The following SKI variants were observed in gnomAD, a reference collection of about 807,000 sequenced individuals.
SKI encodes the protein ski oncogene.
SKI carries 23 observed loss-of-function variants against 59.3 expected under a neutral mutation model. The observed-to-expected ratio is 0.39, with a 90% CI of 0.28 to 0.55. SKI has a LOEUF of 0.55. SKI is among the 20% of genes least tolerant of loss of function. The pLI, the probability that SKI is intolerant of heterozygous loss-of-function variation, is 0.67. For missense variants in SKI, 1,017 were observed against 1,038.9 expected (o/e 0.98, Z 0.29); for synonymous variants, 673 against 488.6 (o/e 1.38, Z -4.98).
At chr1:2,280,651 ACACCCGAGAAGACAGGCGGCGGCGGC>A (rs1366844251) in intron 1 of SKI, among the ~76,000 whole-genome samples, 19 of 127,558 alleles carry the variant, frequency 1.5e-4, no homozygotes, top group East Asian at 2.4e-4. Context: ...CAGAGAGAGG[ACACCCGAGAAGACAGGCGGCGGCGGC>A]GATCTTCAGA....
At chr1:2,240,438 G>A in intron 1 of SKI, 5 of 970,402 alleles carry the variant, frequency 5.2e-6, no homozygotes, top group Non-Finnish European at 6.1e-6. Flanking sequence ...AGAAGCACTT[G>A]GCGGCAAGCC....
chr1:2,240,664 G>T, intron 1 of SKI: 4 of 985,398 alleles, frequency 4.1e-6, no homozygotes, highest in Non-Finnish European at 3.6e-6. Flanking sequence ...GGAATTCTTC[G>T]AAGTGAAGCT....
At chr1:2,264,146 C>A (rs543657101) in intron 1 of SKI, among the ~76,000 whole-genome samples, 1 of 152,286 alleles carries the variant, frequency 6.6e-6, no homozygotes, top group East Asian at 1.9e-4. Context: ...GTTTGTGTTA[C>A]ACAAGTAATT....
At chr1:2,259,562 C>T (rs1639340050) in intron 1 of SKI, among the ~76,000 whole-genome samples, 1 of 152,148 alleles carries the variant, frequency 6.6e-6, no homozygotes, top group South Asian at 2.1e-4. Flanking sequence ...CTTTTTGAGG[C>T]ATAATTAACA....
chr1:2,234,755 C>T (rs934567603), intron 1 of SKI, among the ~76,000 whole-genome samples: 6 of 152,250 alleles, frequency 3.9e-5, no homozygotes, highest in African/African-American at 1.4e-4. Flanking sequence ...AAGAATTATG[C>T]AAGCTTCAAC....
chr1:2,262,614 C>G (rs149167386), intron 1 of SKI, among the ~76,000 whole-genome samples: 1 of 152,180 alleles, frequency 6.6e-6, no homozygotes, highest in Non-Finnish European at 1.5e-5. Context: ...TTGGCACCGT[C>G]GAGTGTGATG....
chr1:2,283,443 A>G (rs1639959890), intron 1 of SKI, among the ~76,000 whole-genome samples: 1 of 152,126 alleles, frequency 6.6e-6, no homozygotes, highest in African/African-American at 2.4e-5. Context: ...AGAGTCTTGG[A>G]GAGGTGTTGG....
intron 5 of SKI, among the ~76,000 whole-genome samples, chr1:2,305,562 G>A (rs1442928941): frequency 1.3e-5 from 2 of 152,206 alleles, no homozygotes; most frequent in East Asian, 3.8e-4. Flanking sequence ...GAGTCACACG[G>A]ATATTTTAAT....
At chr1:2,299,633 A>C (rs1002602743) in intron 1 of SKI, among the ~76,000 whole-genome samples, 7 of 152,116 alleles carry the variant, frequency 4.6e-5, no homozygotes, top group African/African-American at 1.7e-4. Flanking sequence ...GGGATCTGGC[A>C]GGAGAAGCAG....
intron 1 of SKI, among the ~76,000 whole-genome samples, chr1:2,254,095 C>A (rs1156587527): frequency 6.6e-6 from 1 of 152,208 alleles, no homozygotes; most frequent in African/African-American, 2.4e-5. Context: ...TCTAGACATT[C>A]CAGGTGGGCT....
Position 2,284,860 on chromosome 1 carries a change from A to G in SKI, c.970-18118A>G, listed in dbSNP as rs972206387. On this transcript the variant is annotated intron_variant, in intron 1 of 6. Transcript: ENST00000378536. ...AGAGTGAGAGTGGGTGCTCTCACTGAGGGTCTGACCCTGCTCCGCAGTGCA... is the reference window on the plus strand; with the variant it reads ...AGAGTGAGAGTGGGTGCTCTCACTGGGGGTCTGACCCTGCTCCGCAGTGCA... Among the ~76,000 whole-genome samples, 4 of 152,314 alleles carry G rather than the reference A, an allele frequency of 2.6e-5. No individual in the cohort carries two copies. In the South Asian group the frequency reaches 8.3e-4, roughly 32 times the overall value.
chr1:2,280,477 A>G (rs1014443203), intron 1 of SKI, among the ~76,000 whole-genome samples: 2 of 152,246 alleles, frequency 1.3e-5, no homozygotes, highest in African/African-American at 2.4e-5. Flanking sequence ...GTGACCGGAC[A>G]TTAAAATACC....
intron 1 of SKI, among the ~76,000 whole-genome samples, chr1:2,251,182 C>G (rs1357529273): frequency 6.6e-6 from 1 of 152,100 alleles, no homozygotes; most frequent in African/African-American, 2.4e-5. Flanking sequence ...GCGCTGCGGA[C>G]CGTGTTCGGA....
chr1:2,258,565 T>C lies in SKI; in HGVS notation c.969+28830T>C, dbSNP rs151137041. 2.0e-5 allele frequency among the ~76,000 whole-genome samples: 3 copies of C among 151,944 alleles called. No homozygotes were observed. The East Asian group carries it at 5.8e-4, about 29-fold the overall frequency. ...GGGGAACTCATGTTTTTTTTTGTTT[T>C]TGTTTTTGAGTCAGAGTCTAGGTCT... On this transcript the variant is annotated intron_variant, in intron 1 of 6. Coordinates refer to ENST00000378536, the MANE Select transcript of SKI (RefSeq NM_003036.4).
chr1:2,240,434 A>G, intron 1 of SKI: 8 of 960,782 alleles, frequency 8.3e-6, no homozygotes, highest in Non-Finnish European at 9.9e-6. Flanking sequence ...TGCCAGAAGC[A>G]CTTGGCGGCA....
At chr1:2,254,232 G>A (rs953767486) in intron 1 of SKI, among the ~76,000 whole-genome samples, 2 of 152,202 alleles carry the variant, frequency 1.3e-5, no homozygotes, top group African/African-American at 4.8e-5. Context: ...CGCTAGAGGA[G>A]GCCACGACCT....
intron 6 of SKI, 149 bp from the exon 7 acceptor site, chr1:2,306,428 T>C: frequency 2.0e-6 from 2 of 991,418 alleles, no homozygotes; most frequent in Non-Finnish European, 2.9e-6. Context: ...CTGCGTCTCG[T>C]GAGCCTGTGT....
At chr1:2,248,736 C>T (rs182741071) in intron 1 of SKI, among the ~76,000 whole-genome samples, 14 of 152,346 alleles carry the variant, frequency 9.2e-5, no homozygotes, top group East Asian at 1.9e-4. Context: ...TTCCTTCTCA[C>T]GTCTTCTCTG....
intron 1 of SKI, among the ~76,000 whole-genome samples, chr1:2,239,404 G>A (rs995373809): frequency 1.3e-5 from 2 of 152,124 alleles, no homozygotes; most frequent in African/African-American, 4.8e-5. Context: ...GAGTCAAGCC[G>A]GGCTCGATGT....
Sources: gnomAD v4.1 joint callset for allele counts (sites outside exome capture counted in the v4.1 genomes callset) on GRCh38, gnomAD v4.1.1 for gene constraint, MANE v1.5 for transcripts, NCBI Gene and HGNC (gene_info 2026-07-23, HGNC 2026-07-21) for gene names.